Variants in ZNF717 observed in about 807,000 individuals in gnomAD.
The protein encoded by ZNF717 is krueppel-like factor X17.
ZNF717 carries 9 observed loss-of-function variants against 13.8 expected under a neutral mutation model. The ratio of observed to expected loss-of-function variants is 0.65; its 90% confidence interval spans 0.39 to 1.14. The LOEUF is 1.14. Among genes scored for constraint, ZNF717 ranks in the 50% most tolerant of loss-of-function variants. The pLI, the probability that ZNF717 is intolerant of heterozygous loss-of-function variation, is 0.01. For synonymous variants in ZNF717, 327 were observed against 364.1 expected, an observed-to-expected ratio of 0.90 and a Z score of 1.16; for missense variants, 1,040 against 1,080.7, an observed-to-expected ratio of 0.96 and a Z score of 0.53.
intron 2 of ZNF717, among the ~76,000 whole-genome samples, chr3:75,777,998 G>A (rs1324323528): frequency 2.1e-5 from 3 of 146,080 alleles, no homozygotes; most frequent in African/African-American, 7.7e-5. Context: ...GGAGTGACTT[G>A]CTAAAACCGG....
chr3:75,730,653 C>T, intron 5 of ZNF717: 1 of 701,738 alleles, frequency 1.4e-6, no homozygotes, highest in East Asian at 2.7e-5. Flanking sequence ...ATCAGAATTT[C>T]AATGGTACCT....
At chr3:75,719,527 T>A (rs1938127262) in intron 4 of ZNF717, among the ~76,000 whole-genome samples, 1 of 152,344 alleles carries the variant, frequency 6.6e-6, no homozygotes, top group South Asian at 2.1e-4. Flanking sequence ...GACATTGCTA[T>A]AGTGGTTTCT....
chr3:75,721,272 G>GT (rs1177363294), intron 4 of ZNF717, among the ~76,000 whole-genome samples: 10 of 152,070 alleles, frequency 6.6e-5, no homozygotes, highest in African/African-American at 2.4e-4. Context: ...GCTAACTGAT[G>GT]TTTTTGTTTA....
intron 2 of ZNF717, among the ~76,000 whole-genome samples, chr3:75,763,737 G>GATAT (rs1943214139): frequency 6.6e-6 from 1 of 152,220 alleles, no homozygotes; most frequent in Non-Finnish European, 1.5e-5. Context: ...AAAATTACTA[G>GATAT]AAACACCTAG....
intron 2 of ZNF717, among the ~76,000 whole-genome samples, chr3:75,766,104 C>T (rs1006707510): frequency 1.3e-5 from 2 of 151,842 alleles, no homozygotes; most frequent in Non-Finnish European, 2.9e-5. Context: ...AAGACCCTGT[C>T]TTAAAAAAAA....
downstream of ZNF717, among the ~76,000 whole-genome samples, chr3:75,733,396 A>T (rs1252389876): frequency 6.6e-6 from 1 of 152,252 alleles, no homozygotes. Context: ...ACACCTAGGC[A>T]TATTATTCTC....
At chr3:75,733,497 G>C (rs1938774902), downstream of ZNF717, among the ~76,000 whole-genome samples, 1 of 152,126 alleles carries the variant, frequency 6.6e-6, no homozygotes, top group African/African-American at 2.4e-5. Flanking sequence ...ATCACATTCA[G>C]GTTGAGCTCG....
intron 2 of ZNF717, among the ~76,000 whole-genome samples, chr3:75,780,166 G>T (rs1344836394): frequency 6.8e-6 from 1 of 147,938 alleles, no homozygotes; most frequent in Non-Finnish European, 1.5e-5. Flanking sequence ...TGGAGCTGAC[G>T]TGCTAAAACT....
intron 6 of ZNF717, among the ~76,000 whole-genome samples, chr3:75,694,714 T>C (rs1937587405): frequency 7.5e-6 from 1 of 132,810 alleles, no homozygotes; most frequent in African/African-American, 2.8e-5. Flanking sequence ...CAATAAAGTA[T>C]AGTTTTTATT....
At chr3:75,776,893 G>A (rs1038136860) in intron 2 of ZNF717, among the ~76,000 whole-genome samples, 1 of 152,090 alleles carries the variant, frequency 6.6e-6, no homozygotes, top group African/African-American at 2.4e-5. Context: ...TGGTTGTAGG[G>A]AATTAACAAA....
intron 4 of ZNF717, 82 bp downstream of exon 4, chr3:75,741,194 A>T (rs1575782086): frequency 1.2e-6 from 1 of 816,348 alleles, no homozygotes; most frequent in Admixed American, 2.1e-5. Context: ...TAGGGAAAAA[A>T]GTGGTGAAAA....
intron 6 of ZNF717, among the ~76,000 whole-genome samples, chr3:75,703,698 G>C (rs1937741818): frequency 6.6e-6 from 1 of 152,300 alleles, no homozygotes; most frequent in African/African-American, 2.4e-5. Flanking sequence ...TGCCATTTTG[G>C]TAAACATACC....
intron 4 of ZNF717, among the ~76,000 whole-genome samples, chr3:75,723,554 A>G (rs1399295581): frequency 2.0e-5 from 3 of 152,272 alleles, no homozygotes; most frequent in African/African-American, 7.2e-5. Flanking sequence ...CTTTATTCCA[A>G]TATTATAATA....
intron 6 of ZNF717, among the ~76,000 whole-genome samples, chr3:75,699,655 C>T (rs796659932): frequency 0.057 from 6,127 of 107,218 alleles, no homozygotes; most frequent in Middle Eastern, 0.075. Flanking sequence ...CAGTGCTATG[C>T]TTTCTGTATA....
At chr3:75,733,243 T>A (rs201589421), downstream of ZNF717, among the ~76,000 whole-genome samples, 2 of 152,150 alleles carry the variant, frequency 1.3e-5, no homozygotes, top group East Asian at 3.9e-4. Context: ...CATAGAGTGA[T>A]GAGAATACTA....
chr3:75,734,043 C>G (rs1575741295), downstream of ZNF717, among the ~76,000 whole-genome samples: 1 of 143,860 alleles, frequency 7.0e-6, no homozygotes, highest in Non-Finnish European at 1.5e-5. Flanking sequence ...AGATACACAT[C>G]TGAAAACTGA....
At chr3:75,751,838 T>A (rs796195944) in intron 2 of ZNF717, among the ~76,000 whole-genome samples, 1 of 151,792 alleles carries the variant, frequency 6.6e-6, no homozygotes, top group Admixed American at 6.6e-5. Context: ...GGATTCTGAG[T>A]GTTTCTCCCT....
At chr3:75,726,909 T>C (rs1311919117), downstream of ZNF717, among the ~76,000 whole-genome samples, 2 of 152,194 alleles carry the variant, frequency 1.3e-5, no homozygotes, top group Non-Finnish European at 2.9e-5. Flanking sequence ...TCCTTCCATA[T>C]GCAGTCATGT....
intron 6 of ZNF717, among the ~76,000 whole-genome samples, chr3:75,700,665 G>T (rs1285831173): frequency 6.6e-6 from 1 of 152,302 alleles, no homozygotes; most frequent in Admixed American, 6.5e-5. Flanking sequence ...TTCAACAAAA[G>T]TGCCAAGAAC....
Sources: allele counts gnomAD v4.1 joint callset (sites outside exome capture counted in the v4.1 genomes callset), GRCh38; gene constraint gnomAD v4.1.1; transcripts MANE v1.5; gene names NCBI Gene and HGNC (gene_info 2026-07-23, HGNC 2026-07-21).